The following NFX1 variants were observed in gnomAD, a reference collection of about 807,000 sequenced individuals.
The protein encoded by NFX1 is transcriptional repressor NF-X1.
In NFX1, 69 loss-of-function variants were observed where a neutral mutation model predicts 137.2. The observed-to-expected ratio is 0.50, with a 90% confidence interval of 0.41 to 0.61. The LOEUF (loss-of-function observed/expected upper bound fraction) is 0.61, where lower values mean the gene tolerates loss of function less well. NFX1 is among the 20% of genes least tolerant of loss of function. The pLI, the probability that NFX1 is intolerant of heterozygous loss-of-function variation, is 0.00. For synonymous variants in NFX1, 495 were observed against 474.1 expected (o/e 1.04, Z -0.57); for missense variants, 1,167 against 1,391.0 (o/e 0.84, Z 2.56).
intron 9 of NFX1, among the ~76,000 whole-genome samples, chr9:33,321,658 T>A (rs1822388815): frequency 6.6e-6 from 1 of 152,180 alleles, no homozygotes; most frequent in African/African-American, 2.4e-5. Flanking sequence ...GGAGAACTGC[T>A]TGAGTCCAGG....
chr9:33,318,913 C>T lies in NFX1; in HGVS notation c.1692C>T (p.Asp564=). 6.2e-7 allele frequency: 1 copy of T among 1,614,238 alleles called. No homozygotes were observed. The highest frequency in any genetic ancestry group is 8.5e-7 in the Non-Finnish European group (1 of 1,180,034). Residue 564 remains aspartate, a synonymous_variant, in exon 9 of 24, where the codon GAC becomes GAT. Coordinates refer to ENST00000379540, the MANE Select transcript of NFX1 (RefSeq NM_002504.6). The stretch of plus-strand genomic sequence containing the variant: ...TAATAGTGTGTTTTCTTAACAGGGA[C>T]TTGAAATGCGGTAACCATACATGTT... ...DFSCLKICGK[D]LKCGNHTCSQ...
At chr9:33,325,142 C>A (rs1014302780) in intron 9 of NFX1, among the ~76,000 whole-genome samples, 7 of 152,000 alleles carry the variant, frequency 4.6e-5, no homozygotes, top group African/African-American at 1.7e-4. Context: ...CACTACACAT[C>A]CAGGAAACTC....
rs1821951425 is a variant in NFX1 at position 33,311,298 on chromosome 9, T to C, written c.1448+121T>C. Reference sequence around the variant, plus strand: ...ATAAATGGTAGGCATGAATAGTACTTTTTTTTTTTCAGGAGTGAAAGTTTA... The same window carrying C: ...ATAAATGGTAGGCATGAATAGTACTCTTTTTTTTTCAGGAGTGAAAGTTTA... On this transcript the variant is annotated intron_variant, in intron 6 of 23. Transcript: ENST00000379540. 5.9e-6 allele frequency: 5 copies of C among 854,082 alleles called. No individual in the cohort carries two copies. In the South Asian group the frequency reaches 8.5e-5, roughly 14 times the overall value. 52.9% of individuals were successfully genotyped at this position (854,082 alleles called of 1,614,324 possible).
chr9:33,292,866 C>T (rs1010120735), intron 1 of NFX1, among the ~76,000 whole-genome samples: 56 of 152,350 alleles, frequency 3.7e-4, no homozygotes, highest in African/African-American at 1.3e-3. Flanking sequence ...GCGAGAACTA[C>T]ACAATACCCA....
chr9:33,345,281 A>G (rs1346810138), intron 14 of NFX1, among the ~76,000 whole-genome samples: 2 of 152,160 alleles, frequency 1.3e-5, no homozygotes, highest in African/African-American at 2.4e-5. Flanking sequence ...GGTTGAGACC[A>G]GTCTGGCCAA....
At position 33,294,441 on chromosome 9, in the gene NFX1, A is replaced by G. The variant is rs1821270511; in HGVS notation, c.47A>G (p.Asp16Gly). 1 of 1,585,408 alleles carries G rather than the reference A, an allele frequency of 6.3e-7. No homozygotes were observed. The highest frequency in any genetic ancestry group is 1.4e-5 in the African/African-American group (1 of 73,344). The change falls in exon 2 of 24, where the codon GAT becomes GGT. Residue 16 changes from aspartate to glycine, a missense_variant. This residue lies in a region of NFX1 where 367 missense variants were observed against 386.7 expected (regional missense o/e 0.95). Coordinates refer to ENST00000379540, the MANE Select transcript of NFX1 (RefSeq NM_002504.6). The stretch of plus-strand genomic sequence containing the variant: ...CTAGGTACTTTTAAATTCAATACAG[A>G]TGCTGCTGAATTCATTCCTCAGGAG... ...PVSGTFKFNT[D>G]AAEFIPQEKK...
intron 1 of NFX1, among the ~76,000 whole-genome samples, chr9:33,293,963 A>G (rs929810317): frequency 1.3e-5 from 2 of 152,248 alleles, no homozygotes; most frequent in Non-Finnish European, 2.9e-5. Flanking sequence ...TGATATCCCT[A>G]AGTTCATACA....
intron 23 of NFX1, among the ~76,000 whole-genome samples, chr9:33,369,484 C>A (rs753242213): frequency 1.1e-4 from 17 of 152,128 alleles, no homozygotes; most frequent in Non-Finnish European, 2.2e-4. Context: ...TGCCCATTAC[C>A]AAATTTCAAA....
intron 2 of NFX1, among the ~76,000 whole-genome samples, chr9:33,296,094 T>TG (rs1821345741): frequency 6.6e-6 from 1 of 152,094 alleles, no homozygotes; most frequent in Non-Finnish European, 1.5e-5. Context: ...GCTTGGCTGA[T>TG]TTTTGTATTT....
chr9:33,355,853 C>G (rs1257553394), intron 19 of NFX1, among the ~76,000 whole-genome samples: 1 of 152,092 alleles, frequency 6.6e-6, no homozygotes, highest in Non-Finnish European at 1.5e-5. Context: ...CCATGTTGGC[C>G]AGGCTGGTCT....
chr9:33,340,005 C>A (rs943029935), intron 12 of NFX1, among the ~76,000 whole-genome samples: 3 of 152,210 alleles, frequency 2.0e-5, no homozygotes, highest in Admixed American at 6.5e-5. Flanking sequence ...GTGGCTTTTC[C>A]AGGCACACAG....
rs757001181 is a variant in NFX1, at chr9:33,351,785, G to C, written c.2650G>C (p.Ala884Pro). The C allele has an allele frequency of 6.3e-7, 1 of 1,576,274 alleles. No individual in the cohort carries two copies. Among genetic ancestry groups the C allele is most frequent in the African/African-American group, 1.4e-5 (1 of 74,064 alleles). ...SSPCPVTACK[A>P]KVELQCECGR... is the part of the protein sequence containing the mutation. ...ACCCTGCCCTGTGACTGCTTGTAAA[G>C]CTAAGGTGGGTATTTCTGGCCACAG... is the stretch of plus-strand genomic sequence containing the variant. Residue 884 changes from alanine (A) to proline (P), a missense_variant, in exon 16 of 24, where the codon GCT becomes CCT. This residue lies in a region of NFX1 where 312 missense variants were observed against 312.8 expected (regional missense o/e 1.00). Transcript: ENST00000379540.
chr9:33,323,881 G>A (rs1260784058), intron 9 of NFX1, among the ~76,000 whole-genome samples: 1 of 152,172 alleles, frequency 6.6e-6, no homozygotes, highest in Non-Finnish European at 1.5e-5. Context: ...TTGATAAAGA[G>A]ATAGAAACTA....
chr9:33,369,309 C>T lies in NFX1; in HGVS notation c.3291-597C>T, dbSNP rs550160769. 1.4e-4 allele frequency among the ~76,000 whole-genome samples: 21 copies of T among 152,242 alleles called. No individual in the cohort carries two copies. The South Asian group carries it at 2.9e-3, about 21-fold the overall frequency. On this transcript the variant is annotated intron_variant, in intron 23 of 23. Coordinates refer to ENST00000379540, the MANE Select transcript of NFX1 (RefSeq NM_002504.6). The stretch of plus-strand genomic sequence containing the variant: ...CAATCTCCTGACCTCGTGATCCGTC[C>T]GCCTTGGCCTCCCAAAGTGCTGAGA...
chr9:33,333,602 A>C (rs1242546148), intron 11 of NFX1, among the ~76,000 whole-genome samples: 1 of 152,208 alleles, frequency 6.6e-6, no homozygotes, highest in Admixed American at 6.5e-5. Context: ...ACTGTGTCCA[A>C]TTCTTCTGCC....
chr9:33,347,694 AAAG>A (rs978218913), intron 15 of NFX1: 9 of 440,276 alleles, frequency 2.0e-5, no homozygotes, highest in Non-Finnish European at 4.1e-5. Flanking sequence ...ACCCAGAAGA[AAAG>A]AAGTCATTAT....
At chr9:33,325,876 A>G (rs1038535340) in intron 9 of NFX1, among the ~76,000 whole-genome samples, 5 of 152,226 alleles carry the variant, frequency 3.3e-5, no homozygotes, top group Admixed American at 6.5e-5. Flanking sequence ...AGTAAAGATG[A>G]TTATGTAATC....
Position 33,301,363 on chromosome 9 carries a change from C to T in NFX1, c.1134C>T (p.Tyr378=), listed in dbSNP as rs1212357767. 3.7e-6 allele frequency: 6 copies of T among 1,613,996 alleles called. No homozygotes were observed. The highest frequency in any genetic ancestry group is 1.3e-5 in the African/African-American group (1 of 74,900). Residue 378 remains tyrosine (Y), a synonymous_variant, in exon 3 of 24, where the codon TAC becomes TAT. Coordinates refer to ENST00000379540, the MANE Select transcript of NFX1 (RefSeq NM_002504.6). The part of the protein sequence containing the change: ...TAPVWSCQSC[Y]HVFHLNCIKK... ...CAGTGTGGAGTTGTCAGAGCTGTTA[C>T]CATGTGTTTCATTTGAACTGCATAA...
chr9:33,369,834 T>C, intron 23 of NFX1, 72 bp from the exon 24 acceptor site: 1 of 1,071,464 alleles, frequency 9.3e-7, no homozygotes, highest in Non-Finnish European at 1.4e-6. Flanking sequence ...CAGCTGATCC[T>C]TAACTTTCTG....
Sources: gnomAD v4.1 joint callset for allele counts (sites outside exome capture counted in the v4.1 genomes callset) on GRCh38, gnomAD v4.1.1 for gene constraint, gnomAD v4.1.1 regional missense constraint, MANE v1.5 for transcripts, NCBI Gene and HGNC (gene_info 2026-07-23, HGNC 2026-07-21) for gene names.